POP1: variants seen among roughly 807,000 people sequenced by gnomAD.
POP1 encodes the protein ribonucleases P/MRP protein subunit POP1.
Under a neutral mutation model 102.2 loss-of-function variants are expected in POP1, and 75 were observed. The ratio of observed to expected loss-of-function variants is 0.73; its 90% CI spans 0.61 to 0.89. The LOEUF (loss-of-function observed/expected upper bound fraction) is 0.89, where lower values mean the gene tolerates loss of function less well. Among genes scored for constraint, POP1 ranks in the 40% least tolerant of loss-of-function variants. POP1 has a pLI of 0.00. For missense variants in POP1, 1,116 were observed against 1,267.4 expected (o/e 0.88, Z 1.81); for synonymous variants, 436 against 464.1 (o/e 0.94, Z 0.78).
chr8:98,158,347 C>G lies in POP1; in HGVS notation c.*76C>G. ...CCAAGTTCTACATGTGGAGAATCTG[C>G]TTCTGCTTTAAAATATCATGTGAAA... On this transcript the variant is annotated 3_prime_UTR_variant, in exon 16 of 16. Coordinates refer to ENST00000401707, the MANE Select transcript of POP1 (RefSeq NM_001145860.2). 2.0e-6 allele frequency: 3 copies of G among 1,512,370 alleles called. No individual in the cohort carries two copies. Among genetic ancestry groups the G allele is most frequent in the Non-Finnish European group, 2.7e-6 (3 of 1,104,048 alleles). 93.7% of individuals were successfully genotyped at this position (1,512,370 alleles called of 1,614,324 possible).
intron 1 of POP1, among the ~76,000 whole-genome samples, chr8:98,118,454 C>T (rs1815912576): frequency 6.6e-6 from 1 of 151,984 alleles, no homozygotes; most frequent in Non-Finnish European, 1.5e-5. Flanking sequence ...AAGACAGGAT[C>T]TCACTCTGTC....
rs376071548 is a variant in POP1 at position 98,158,284 on chromosome 8, A to G, written c.*13A>G. On this transcript the variant is annotated 3_prime_UTR_variant, in exon 16 of 16. Coordinates refer to ENST00000401707, the MANE Select transcript of POP1 (RefSeq NM_001145860.2). ...TATTGAGGTGTGAATGCGTGCTTGT[A>G]TCCCAGCAGGGCATAGATAATACGT... is the stretch of plus-strand genomic sequence containing the variant. 5.6e-6 allele frequency: 9 copies of G among 1,605,592 alleles called. No individual in the cohort carries two copies. The African/African-American group carries it at 8.0e-5, about 14-fold the overall frequency.
intron 6 of POP1, 119 bp from the exon 7 acceptor site, chr8:98,134,353 C>A: frequency 9.6e-7 from 1 of 1,046,748 alleles, no homozygotes; most frequent in Non-Finnish European, 1.5e-6. Flanking sequence ...CTGAGCAATC[C>A]TCACAACCAA....
chr8:98,154,671 C>T (rs1213302924), intron 14 of POP1, among the ~76,000 whole-genome samples: 1 of 152,074 alleles, frequency 6.6e-6, no homozygotes, highest in Non-Finnish European at 1.5e-5. Context: ...CATAGTGGTG[C>T]AGGGGAAGGC....
At chr8:98,150,052 A>G (rs1038981082) in intron 13 of POP1, among the ~76,000 whole-genome samples, 1 of 152,222 alleles carries the variant, frequency 6.6e-6, no homozygotes, top group Admixed American at 6.5e-5. Context: ...ATAACATTAC[A>G]GATGCATTGA....
At chr8:98,123,960 G>A (rs1041118572) in intron 2 of POP1, among the ~76,000 whole-genome samples, 17 of 152,196 alleles carry the variant, frequency 1.1e-4, no homozygotes, top group African/African-American at 4.1e-4. Flanking sequence ...AAGCTTATTT[G>A]TAACCCCAAT....
intron 11 of POP1, among the ~76,000 whole-genome samples, chr8:98,144,650 T>C (rs1201137479): frequency 1.3e-5 from 2 of 152,192 alleles, no homozygotes; most frequent in Admixed American, 6.5e-5. Flanking sequence ...GAGTATCAAC[T>C]ATCTCTTTTG....
At position 98,128,151 on chromosome 8, in the gene POP1, T is replaced by G. The variant is rs3802196; in HGVS notation, c.311-214T>G. Among the ~76,000 whole-genome samples the G allele has an allele frequency of 0.85, 129,518 of 152,088 alleles. 55,321 individuals carry two copies. The highest frequency in any genetic ancestry group is 0.92 in the African/African-American group (38,101 of 41,486). The stretch of plus-strand genomic sequence containing the variant: ...AGGGCCTGTCTCCAGGCCCTTTCCA[T>G]CCTCTTCTGTTCTTCACCCTATGAT... On this transcript the variant is annotated intron_variant, in intron 3 of 15. Transcript: ENST00000401707.
intron 7 of POP1, among the ~76,000 whole-genome samples, chr8:98,135,453 T>C (rs770885092): frequency 1.3e-5 from 2 of 152,148 alleles, no homozygotes; most frequent in Admixed American, 6.5e-5. Context: ...AAGCTATTTT[T>C]GAGTAATTCT....
intron 3 of POP1, among the ~76,000 whole-genome samples, 189 bp from the exon 4 acceptor site, chr8:98,128,175 AT>A (rs1209157954): frequency 2.6e-5 from 4 of 151,988 alleles, no homozygotes; most frequent in Non-Finnish European, 5.9e-5. Flanking sequence ...TCACCCTATG[AT>A]CCCCATCCAC....
chr8:98,155,228 T>C (rs1809616505), intron 14 of POP1, among the ~76,000 whole-genome samples: 1 of 152,216 alleles, frequency 6.6e-6, no homozygotes. Context: ...ACATTGTTTA[T>C]TGAAGACCAA....
At chr8:98,143,807 A>G (rs1055145762) in intron 11 of POP1, among the ~76,000 whole-genome samples, 1 of 152,174 alleles carries the variant, frequency 6.6e-6, no homozygotes, top group Admixed American at 6.6e-5. Flanking sequence ...GGAATCATAC[A>G]ATACATAGCC....
At chr8:98,136,229 T>A (rs1032646265) in intron 7 of POP1, among the ~76,000 whole-genome samples, 6 of 151,922 alleles carry the variant, frequency 3.9e-5, no homozygotes, top group African/African-American at 1.5e-4. Flanking sequence ...TATAGGTGCC[T>A]GCCACCCAAC....
At chr8:98,129,918 C>A (rs536958142) in intron 4 of POP1, 60 bp from the exon 5 acceptor site, 33 of 1,579,220 alleles carry the variant, frequency 2.1e-5, no homozygotes, top group Admixed American at 8.4e-5. Flanking sequence ...CATTCCTGAC[C>A]GTTAACTCTG....
At chr8:98,155,146 C>A (rs1809613288) in intron 14 of POP1, among the ~76,000 whole-genome samples, 1 of 152,146 alleles carries the variant, frequency 6.6e-6, no homozygotes, top group African/African-American at 2.4e-5. Flanking sequence ...CGTGGCACAA[C>A]TCTAGGGGCA....
chr8:98,129,914 T>A (rs1816327486), intron 4 of POP1, 64 bp from the exon 5 acceptor site: 1 of 1,567,808 alleles, frequency 6.4e-7, no homozygotes, highest in Non-Finnish European at 8.8e-7. Flanking sequence ...TTTGCATTCC[T>A]GACCGTTAAC....
At chr8:98,126,503 C>T (rs759591086) in intron 2 of POP1, among the ~76,000 whole-genome samples, 12 of 152,230 alleles carry the variant, frequency 7.9e-5, no homozygotes, top group Non-Finnish European at 1.6e-4. Flanking sequence ...ATAAATATTT[C>T]CAAGCACTCC....
At chr8:98,123,109 C>T (rs1816082285) in intron 1 of POP1, among the ~76,000 whole-genome samples, 1 of 152,142 alleles carries the variant, frequency 6.6e-6, no homozygotes, top group African/African-American at 2.4e-5. Flanking sequence ...AATTTTTTAT[C>T]ATCCATAGCA....
chr8:98,146,736 T>C (rs895938071), intron 12 of POP1, 53 bp downstream of exon 12: 1 of 1,295,044 alleles, frequency 7.7e-7, no homozygotes. Context: ...AGGTTAAATA[T>C]ATCATTCTAG....
Sources: gnomAD v4.1 joint callset for allele counts (sites outside exome capture counted in the v4.1 genomes callset) on GRCh38, gnomAD v4.1.1 for gene constraint, MANE v1.5 for transcripts, NCBI Gene and HGNC (gene_info 2026-07-23, HGNC 2026-07-21) for gene names.